Variants in RAB4A observed in about 807,000 individuals in gnomAD.
RAB4A encodes ras-related protein Rab-4A.
RAB4A carries 20 observed loss-of-function variants against 34.5 expected under a neutral mutation model. The observed-to-expected ratio is 0.58, with a 90% CI of 0.41 to 0.84. RAB4A has a LOEUF of 0.84. Among genes scored for constraint, RAB4A ranks in the 40% least tolerant of loss-of-function variants. The pLI is 0.00. For missense variants in RAB4A, 228 were observed against 274.5 expected (o/e 0.83, Z 1.20); for synonymous variants, 102 against 100.0 (o/e 1.02, Z -0.12).
At chr1:229,303,061 AGCTGCAGTAT>A in intron 7 of RAB4A, 72 bp downstream of exon 7, 2 of 1,122,404 alleles carry the variant, frequency 1.8e-6, no homozygotes, top group African/African-American at 1.5e-5. Flanking sequence ...AGCTTTGGGA[AGCTGCAGTAT>A]GAAAAAGAGG....
At chr1:229,296,411 A>T (rs1382989953) in intron 4 of RAB4A, among the ~76,000 whole-genome samples, 1 of 152,142 alleles carries the variant, frequency 6.6e-6, no homozygotes, top group East Asian at 1.9e-4. Flanking sequence ...TCAGGAGGTT[A>T]TTGGGAGGTT....
Position 229,271,323 on chromosome 1 carries a change from G to A in RAB4A, c.-17G>A. The A allele has an allele frequency of 1.5e-6, 2 of 1,321,052 alleles. No individual in the cohort carries two copies. Among genetic ancestry groups the A allele is most frequent in the Non-Finnish European group, 1.9e-6 (2 of 1,034,534 alleles). 81.8% of individuals were successfully genotyped at this position (1,321,052 alleles called of 1,614,324 possible). ...AGTGCAGCCGGTGACCCGGCGAGAGGCGGCGCCGCTCCCAAGATGTCGCAG... is the reference window on the plus strand; with the variant it reads ...AGTGCAGCCGGTGACCCGGCGAGAGACGGCGCCGCTCCCAAGATGTCGCAG... On this transcript the variant is annotated 5_prime_UTR_variant, in exon 1 of 8. Coordinates refer to ENST00000366690, the MANE Select transcript of RAB4A (RefSeq NM_004578.4).
chr1:229,277,655 G>C (rs1656684188), intron 1 of RAB4A, among the ~76,000 whole-genome samples: 1 of 151,262 alleles, frequency 6.6e-6, no homozygotes, highest in African/African-American at 2.5e-5. Context: ...ACTGATCCTA[G>C]GTCACTGCAT....
intron 1 of RAB4A, among the ~76,000 whole-genome samples, chr1:229,278,154 C>A (rs1656696392): frequency 6.6e-6 from 1 of 152,196 alleles, no homozygotes; most frequent in Non-Finnish European, 1.5e-5. Flanking sequence ...CATGATCCAC[C>A]ATGCCTGGCC....
intron 2 of RAB4A, among the ~76,000 whole-genome samples, chr1:229,287,108 A>T (rs1297220393): frequency 6.6e-6 from 1 of 152,246 alleles, no homozygotes; most frequent in Admixed American, 6.5e-5. Flanking sequence ...TAGGTTTGAA[A>T]GGCCCTTAAA....
intron 4 of RAB4A, among the ~76,000 whole-genome samples, chr1:229,297,175 C>G (rs750984787): frequency 3.3e-5 from 5 of 152,224 alleles, no homozygotes; most frequent in Non-Finnish European, 7.3e-5. Flanking sequence ...TAGTGCCTTG[C>G]GCATGCTAAG....
rs1353131566 is a variant in RAB4A at position 229,304,557 on chromosome 1, C to A, written c.*764C>A. The A allele has an allele frequency of 2.0e-5, 3 of 152,184 alleles. No individual in the cohort carries two copies. Among genetic ancestry groups the A allele is most frequent in the Non-Finnish European group, 4.4e-5 (3 of 68,038 alleles). The allele number at this position is 152,184 out of a possible 1,614,324, so 9.4% of individuals were successfully genotyped here. On this transcript the variant is annotated 3_prime_UTR_variant, in exon 8 of 8. Coordinates refer to ENST00000366690, the MANE Select transcript of RAB4A (RefSeq NM_004578.4). ...ACCCAAACCTACTGGGCTACTAATA[C>A]TTCTCTCAGCAGTTGATCAAATACA...
At chr1:229,298,866 C>A in intron 5 of RAB4A, 111 bp from the exon 6 acceptor site, 1 of 748,498 alleles carries the variant, frequency 1.3e-6, no homozygotes. Flanking sequence ...GGTTTTAGGT[C>A]ATAAATTATA....
Position 229,304,373 on chromosome 1 carries a change from T to C in RAB4A, c.*580T>C, listed in dbSNP as rs1657493407. ...CTAGATCAGTAGACATTCACTAATA[T>C]ACCAAAATAAAATGAAAAATTGAGT... On this transcript the variant is annotated 3_prime_UTR_variant, in exon 8 of 8. Coordinates refer to ENST00000366690, the MANE Select transcript of RAB4A (RefSeq NM_004578.4). The C allele has an allele frequency of 6.6e-6, 1 of 152,150 alleles. No individual in the cohort carries two copies. Among genetic ancestry groups the C allele is most frequent in the Non-Finnish European group, 1.5e-5 (1 of 68,024 alleles). 9.4% of individuals were successfully genotyped at this position (152,150 alleles called of 1,614,324 possible). A position where few individuals can be genotyped will look rare whatever the true frequency, so the allele number is the denominator to read the frequency against.
chr1:229,300,814 G>A (rs1287411245), intron 6 of RAB4A, among the ~76,000 whole-genome samples: 1 of 152,116 alleles, frequency 6.6e-6, no homozygotes, highest in African/African-American at 2.4e-5. Context: ...CAATGTGATC[G>A]TCCGGAGAAC....
Position 229,293,746 on chromosome 1 carries a change from T to C in RAB4A, c.228-2102T>C, listed in dbSNP as rs570022367. On this transcript the variant is annotated intron_variant, in intron 3 of 7. Transcript: ENST00000366690. ...CCACCCAGGAGACAGCACGCTGAGA[T>C]AGAGGGGGTCCACTGGATGGGGATG... Among the ~76,000 whole-genome samples the C allele has an allele frequency of 1.3e-4, 20 of 151,718 alleles. No individual in the cohort carries two copies. In the South Asian group the frequency reaches 2.3e-3, roughly 17 times the overall value.
intron 1 of RAB4A, among the ~76,000 whole-genome samples, chr1:229,272,564 G>A (rs1024261557): frequency 3.3e-5 from 5 of 152,144 alleles, no homozygotes; most frequent in Admixed American, 1.3e-4. Flanking sequence ...CCGTGAAAGT[G>A]TGTTAGAAAG....
chr1:229,272,600 G>C (rs1488681048), intron 1 of RAB4A, among the ~76,000 whole-genome samples: 2 of 152,204 alleles, frequency 1.3e-5, no homozygotes, highest in African/African-American at 4.8e-5. Flanking sequence ...AGGGGTGTCA[G>C]GGAGGCATTA....
At chr1:229,293,713 G>T (rs1413893228) in intron 3 of RAB4A, among the ~76,000 whole-genome samples, 2 of 152,204 alleles carry the variant, frequency 1.3e-5, no homozygotes, top group South Asian at 2.1e-4. Context: ...CCACCAAGTG[G>T]GATGGTGCCA....
Position 229,275,324 on chromosome 1 carries a change from C to T in RAB4A, c.31+3954C>T, listed in dbSNP as rs142831725. The stretch of plus-strand genomic sequence containing the variant: ...CCAGCCAAGGAGTGCCAAGGGGTGG[C>T]TGGCAACCACCAGAAGCTAGAGAGA... On this transcript the variant is annotated intron_variant, in intron 1 of 7. Coordinates refer to ENST00000366690, the MANE Select transcript of RAB4A (RefSeq NM_004578.4). 6.9e-3 allele frequency among the ~76,000 whole-genome samples: 1,058 copies of T among 152,284 alleles called. 10 individuals carry two copies. Among genetic ancestry groups the T allele is most frequent in the African/African-American group, 0.024 (995 of 41,534 alleles).
At chr1:229,303,552 T>G (rs1657473547) in intron 7 of RAB4A, among the ~76,000 whole-genome samples, 1 of 152,202 alleles carries the variant, frequency 6.6e-6, no homozygotes, top group Non-Finnish European at 1.5e-5. Context: ...GATTGAGGTC[T>G]AAATGAATGT....
chr1:229,273,023 T>A (rs907132276), intron 1 of RAB4A, among the ~76,000 whole-genome samples: 4 of 152,370 alleles, frequency 2.6e-5, no homozygotes, highest in Non-Finnish European at 4.4e-5. Context: ...TTAGCAATTT[T>A]TGGTTACATC....
chr1:229,288,232 A>C (rs891682166), intron 2 of RAB4A, among the ~76,000 whole-genome samples: 1 of 151,744 alleles, frequency 6.6e-6, no homozygotes, highest in African/African-American at 2.4e-5. Flanking sequence ...TCTTTGGTTC[A>C]ATTTTTTTCC....
chr1:229,302,620 C>A (rs1657443524), intron 6 of RAB4A, among the ~76,000 whole-genome samples: 1 of 151,612 alleles, frequency 6.6e-6, no homozygotes, highest in South Asian at 2.1e-4. Context: ...AAAAGTCCCC[C>A]TGTTACCACC....
Sources: gnomAD v4.1 joint callset for allele counts (sites outside exome capture counted in the v4.1 genomes callset) on GRCh38, gnomAD v4.1.1 for gene constraint, MANE v1.5 for transcripts, NCBI Gene and HGNC (gene_info 2026-07-23, HGNC 2026-07-21) for gene names.